Variants in TMEM108 observed in about 807,000 individuals in gnomAD.
The protein encoded by TMEM108 is cancer/testis antigen 124.
A neutral mutation model predicts 35.1 loss-of-function variants in TMEM108; 12 were observed. The observed-to-expected ratio is 0.34, with a 90% CI of 0.22 to 0.55. The LOEUF is 0.55. TMEM108 is among the 20% of genes least tolerant of loss of function. The pLI, the probability that TMEM108 is intolerant of heterozygous loss-of-function variation, is 0.89. For missense variants in TMEM108, 680 were observed against 753.3 expected, an observed-to-expected ratio of 0.90 and a Z score of 1.14; for synonymous variants, 287 against 308.6, an observed-to-expected ratio of 0.93 and a Z score of 0.73.
At chr3:133,389,102 C>T (rs1179340884) in intron 4 of TMEM108, 3 of 985,500 alleles carry the variant, frequency 3.0e-6, no homozygotes, top group Non-Finnish European at 3.6e-6. Context: ...CCCCAAGAGG[C>T]CTCTGTCACC....
At chr3:133,113,060 A>G (rs6789335) in intron 2 of TMEM108, among the ~76,000 whole-genome samples, 21,531 of 152,150 alleles carry the variant, frequency 0.14, 1,542 homozygotes, top group Admixed American at 0.16. Flanking sequence ...AAGAACCACT[A>G]AGTTTGCTTG....
intron 2 of TMEM108, among the ~76,000 whole-genome samples, chr3:133,218,206 A>G (rs1474423715): frequency 6.6e-6 from 1 of 151,878 alleles, no homozygotes; most frequent in Non-Finnish European, 1.5e-5. Flanking sequence ...CTCTTTAGAT[A>G]GTTTGTTGTT....
At chr3:133,269,463 G>A (rs1168218321) in intron 3 of TMEM108, among the ~76,000 whole-genome samples, 2 of 152,092 alleles carry the variant, frequency 1.3e-5, no homozygotes, top group African/African-American at 4.8e-5. Context: ...TAATCAGGAG[G>A]TACTTTATGT....
chr3:133,227,440 G>A (rs1449398144), intron 2 of TMEM108, among the ~76,000 whole-genome samples: 25 of 149,452 alleles, frequency 1.7e-4, no homozygotes, highest in African/African-American at 5.1e-4. Flanking sequence ...TGATCCGCCC[G>A]CCTCGGCCTC....
Position 133,380,063 on chromosome 3 carries a change from G to C in TMEM108, c.352G>C (p.Ala118Pro), listed in dbSNP as rs148635925. 2 of 1,613,718 alleles carry C rather than the reference G, an allele frequency of 1.2e-6. No individual in the cohort carries two copies. The highest frequency in any genetic ancestry group is 1.7e-6 in the Non-Finnish European group (2 of 1,179,962). Residue 118 changes from alanine (A) to proline (P), a missense_variant, in exon 4 of 6, where the codon GCT (alanine) becomes CCT (proline). Coordinates refer to ENST00000321871, the MANE Select transcript of TMEM108 (RefSeq NM_023943.4). The surrounding 1 kb of genome is among the most constrained non-coding windows in gnomAD (Gnocchi z 5.3). The part of the protein sequence containing the change: ...HSESSLSTGP[A>P]PAAMATTSSK... The stretch of plus-strand genomic sequence containing the variant: ...TGAAAGCTCCCTGTCCACAGGGCCC[G>C]CTCCAGCAGCCATGGCAACCACATC...
chr3:133,129,082 C>T (rs936050281), intron 2 of TMEM108, among the ~76,000 whole-genome samples: 27 of 152,186 alleles, frequency 1.8e-4, no homozygotes, highest in African/African-American at 5.8e-4. Context: ...CAGTGGCTCA[C>T]GCCTGTAATT....
intron 2 of TMEM108, among the ~76,000 whole-genome samples, chr3:133,199,166 G>A (rs1450383695): frequency 6.6e-6 from 1 of 152,078 alleles, no homozygotes; most frequent in Non-Finnish European, 1.5e-5. Context: ...CTCTGCATTG[G>A]TTATTCTAGT....
intron 2 of TMEM108, among the ~76,000 whole-genome samples, chr3:133,075,161 A>G (rs958459322): frequency 1.3e-5 from 2 of 152,094 alleles, no homozygotes; most frequent in African/African-American, 4.8e-5. Flanking sequence ...CGATTCCCTC[A>G]AGCTCCCCTT....
chr3:133,265,846 T>C (rs1188324381), intron 3 of TMEM108, among the ~76,000 whole-genome samples: 2 of 152,212 alleles, frequency 1.3e-5, no homozygotes, highest in East Asian at 3.8e-4. Flanking sequence ...CTTTTGACTT[T>C]TTCTTGAAAA....
At chr3:133,220,463 G>T (rs1945974056) in intron 2 of TMEM108, among the ~76,000 whole-genome samples, 1 of 152,044 alleles carries the variant, frequency 6.6e-6, no homozygotes, top group Admixed American at 6.6e-5. Context: ...ATTTGATAAT[G>T]TAATCCATTT....
intron 2 of TMEM108, among the ~76,000 whole-genome samples, chr3:133,117,561 A>G (rs748902241): frequency 1.2e-4 from 18 of 152,292 alleles, no homozygotes; most frequent in Non-Finnish European, 2.1e-4. Flanking sequence ...TGCCATGGTA[A>G]TCACTGCTGA....
At chr3:133,275,095 G>A (rs1439257816) in intron 3 of TMEM108, among the ~76,000 whole-genome samples, 1 of 152,166 alleles carries the variant, frequency 6.6e-6, no homozygotes, top group Non-Finnish European at 1.5e-5. Context: ...TAATGGGGGA[G>A]GGGAAAGAGC....
intron 3 of TMEM108, among the ~76,000 whole-genome samples, chr3:133,330,084 A>G (rs889202925): frequency 6.6e-6 from 1 of 152,256 alleles, no homozygotes; most frequent in African/African-American, 2.4e-5. Flanking sequence ...TAAAAATGCC[A>G]TAAATACTTC....
At chr3:133,390,431 G>A (rs1443555532) in intron 5 of TMEM108, 97 bp downstream of exon 5, 9 of 1,381,804 alleles carry the variant, frequency 6.5e-6, no homozygotes, top group Non-Finnish European at 7.0e-6. Context: ...GCTCCTTAAC[G>A]TATGGCCCAT....
chr3:133,368,387 C>T (rs2072561021), intron 3 of TMEM108, among the ~76,000 whole-genome samples: 1 of 152,192 alleles, frequency 6.6e-6, no homozygotes. Flanking sequence ...TCTTGGCAGA[C>T]ACTCTCACAC....
At chr3:133,122,430 CT>C (rs1308468108) in intron 2 of TMEM108, among the ~76,000 whole-genome samples, 1 of 152,138 alleles carries the variant, frequency 6.6e-6, no homozygotes, top group Non-Finnish European at 1.5e-5. Context: ...TTAAAGACCC[CT>C]GTGTTAGTTA....
intron 4 of TMEM108, chr3:133,388,557 T>C (rs972597686): frequency 1.0e-6 from 1 of 985,336 alleles, no homozygotes; most frequent in Non-Finnish European, 1.2e-6. Flanking sequence ...CAAATCCCCG[T>C]TAGCCCTAAC....
chr3:133,115,402 C>A (rs922584577), intron 2 of TMEM108, among the ~76,000 whole-genome samples: 2 of 152,178 alleles, frequency 1.3e-5, no homozygotes, highest in Admixed American at 1.3e-4. Context: ...TTACGTGGAA[C>A]TATTTAATCC....
chr3:133,250,564 G>A (rs1357773952), intron 3 of TMEM108, among the ~76,000 whole-genome samples: 1 of 152,184 alleles, frequency 6.6e-6, no homozygotes, highest in Non-Finnish European at 1.5e-5. Context: ...ACTGTGCAGG[G>A]GGTTTGCACC....
Sources: gnomAD v4.1 joint callset for allele counts (sites outside exome capture counted in the v4.1 genomes callset) on GRCh38, gnomAD v4.1.1 for gene constraint, Gnocchi (gnomAD v3.1) non-coding constraint, MANE v1.5 for transcripts, NCBI Gene and HGNC (gene_info 2026-07-23, HGNC 2026-07-21) for gene names.